Variants in SCAMP1 observed in about 807,000 individuals in gnomAD.
SCAMP1 encodes the protein secretory carrier-associated membrane protein 1.
A neutral mutation model predicts 41.8 loss-of-function variants in SCAMP1; 15 were observed. The observed-to-expected ratio is 0.36, with a 90% confidence interval of 0.24 to 0.55. The LOEUF (loss-of-function observed/expected upper bound fraction) is 0.55, where lower values mean the gene tolerates loss of function less well. Among genes scored for constraint, SCAMP1 ranks in the 20% least tolerant of loss-of-function variants. SCAMP1 has a pLI of 0.86. For synonymous variants in SCAMP1, 135 were observed against 136.8 expected, an observed-to-expected ratio of 0.99 and a Z score of 0.09; for missense variants, 341 against 412.6, an observed-to-expected ratio of 0.83 and a Z score of 1.50.
Position 78,480,393 on chromosome 5 carries a change from T to C in SCAMP1, c.*4725T>C, listed in dbSNP as rs923061203. 1.4e-4 allele frequency among the ~76,000 whole-genome samples: 22 copies of C among 152,254 alleles called. No individual in the cohort carries two copies. Among genetic ancestry groups the C allele is most frequent in the African/African-American group, 4.8e-5 (2 of 41,464 alleles). On this transcript the variant is annotated 3_prime_UTR_variant, in exon 9 of 9. Coordinates refer to ENST00000621999, the MANE Select transcript of SCAMP1 (RefSeq NM_004866.6). ...ATTTTTAAATTCTAGTTATTTTCAG[T>C]GCTTACTTAAATGTAATTCTAGAAT...
chr5:78,464,630 T>C (rs1322522788), intron 8 of SCAMP1, among the ~76,000 whole-genome samples: 1 of 151,592 alleles, frequency 6.6e-6, no homozygotes, highest in Non-Finnish European at 1.5e-5. Context: ...GATCTGGGAT[T>C]GGGAACGGCA....
chr5:78,434,339 G>A (rs1752691900), intron 6 of SCAMP1, among the ~76,000 whole-genome samples: 1 of 152,164 alleles, frequency 6.6e-6, no homozygotes, highest in Non-Finnish European at 1.5e-5. Flanking sequence ...GGGGTTGTTT[G>A]CCCTTTGATG....
chr5:78,441,381 T>C (rs1055063942), intron 6 of SCAMP1, among the ~76,000 whole-genome samples: 8 of 152,250 alleles, frequency 5.3e-5, no homozygotes, highest in Admixed American at 1.3e-4. Context: ...TTTGAAGTTA[T>C]GTTAACACTT....
rs1754079732 is a variant in SCAMP1, at chr5:78,479,379, T to C, written c.*3711T>C. On this transcript the variant is annotated 3_prime_UTR_variant, in exon 9 of 9. Coordinates refer to ENST00000621999, the MANE Select transcript of SCAMP1 (RefSeq NM_004866.6). ...TATACATTTATTTAGAGTAGACTAATGTGTTTAAAACATGAGTTGTTTTAA... is the reference window on the plus strand; with the variant it reads ...TATACATTTATTTAGAGTAGACTAACGTGTTTAAAACATGAGTTGTTTTAA... Among the ~76,000 whole-genome samples, 1 of 152,254 alleles carries C rather than the reference T, an allele frequency of 6.6e-6. No homozygotes were observed. The highest frequency in any genetic ancestry group is 6.5e-5 in the Admixed American group (1 of 15,286).
chr5:78,396,246 G>A (rs1433791548), intron 2 of SCAMP1, among the ~76,000 whole-genome samples: 1 of 152,124 alleles, frequency 6.6e-6, no homozygotes, highest in African/African-American at 2.4e-5. Context: ...TGTAAACTGT[G>A]GATTTGGGTG....
intron 6 of SCAMP1, among the ~76,000 whole-genome samples, chr5:78,428,062 A>AT (rs977032795): frequency 1.3e-5 from 2 of 152,018 alleles, no homozygotes; most frequent in East Asian, 3.9e-4. Flanking sequence ...TAATTTAACT[A>AT]TTTTTTTGGT....
intron 8 of SCAMP1, among the ~76,000 whole-genome samples, chr5:78,474,318 T>C (rs929604957): frequency 6.6e-6 from 1 of 152,142 alleles, no homozygotes; most frequent in Non-Finnish European, 1.5e-5. Flanking sequence ...ACATATGCCG[T>C]TGGTTTCCAA....
At chr5:78,439,168 A>T (rs111930825) in intron 6 of SCAMP1, among the ~76,000 whole-genome samples, 4,969 of 152,244 alleles carry the variant, frequency 0.033, 255 homozygotes, top group African/African-American at 0.11. Context: ...ATCTTTATCC[A>T]ATTTGCCAGT....
intron 1 of SCAMP1, among the ~76,000 whole-genome samples, chr5:78,376,067 C>T (rs1751056919): frequency 6.6e-6 from 1 of 152,046 alleles, no homozygotes; most frequent in African/African-American, 2.4e-5. Context: ...TTTTGAAATC[C>T]TTAATAAAAA....
At chr5:78,470,126 T>C (rs1753851407) in intron 8 of SCAMP1, among the ~76,000 whole-genome samples, 2 of 151,974 alleles carry the variant, frequency 1.3e-5, no homozygotes, top group African/African-American at 4.8e-5. Flanking sequence ...AAACCTAAAG[T>C]ATACAATTTA....
Position 78,432,536 on chromosome 5 carries a change from G to T in SCAMP1, c.632+10576G>T, listed in dbSNP as rs1417830158. Among the ~76,000 whole-genome samples, 3 of 152,064 alleles carry T rather than the reference G, an allele frequency of 2.0e-5. No individual in the cohort carries two copies. In the East Asian group the frequency reaches 5.8e-4, roughly 29 times the overall value. On this transcript the variant is annotated intron_variant, in intron 6 of 8. Transcript: ENST00000621999. ...TACTTTAAACACATCATTTTCATCCGTTCTGGCTTGCAAAGATTCTGGCTA... is the reference window on the plus strand; with the variant it reads ...TACTTTAAACACATCATTTTCATCCTTTCTGGCTTGCAAAGATTCTGGCTA...
intron 2 of SCAMP1, among the ~76,000 whole-genome samples, chr5:78,395,657 G>A (rs1488469649): frequency 2.0e-5 from 3 of 152,162 alleles, no homozygotes; most frequent in Non-Finnish European, 2.9e-5. Flanking sequence ...CCTGGTGGTC[G>A]TATGACTGAG....
At chr5:78,462,864 T>C (rs1753650867) in intron 8 of SCAMP1, among the ~76,000 whole-genome samples, 1 of 152,254 alleles carries the variant, frequency 6.6e-6, no homozygotes, top group African/African-American at 2.4e-5. Flanking sequence ...AAACATGATA[T>C]TGAGACCTTG....
chr5:78,395,489 G>A (rs936232173), intron 2 of SCAMP1, among the ~76,000 whole-genome samples: 1 of 152,204 alleles, frequency 6.6e-6, no homozygotes, highest in African/African-American at 2.4e-5. Context: ...ACTTAGCTGT[G>A]GCTCAGGAGT....
intron 2 of SCAMP1, among the ~76,000 whole-genome samples, chr5:78,389,557 T>A (rs1285301007): frequency 6.6e-6 from 1 of 152,110 alleles, no homozygotes; most frequent in Non-Finnish European, 1.5e-5. Flanking sequence ...ATGTGAGCCG[T>A]GGCGCCTGGC....
rs1246826491 is a variant in SCAMP1 at position 78,479,876 on chromosome 5, A to G, written c.*4208A>G. On this transcript the variant is annotated 3_prime_UTR_variant, in exon 9 of 9. Coordinates refer to ENST00000621999, the MANE Select transcript of SCAMP1 (RefSeq NM_004866.6). ...GCTAACATGGTGAAACCCCATCTCT[A>G]CTAAAAATACAAAAAAAAAATTAGC... Among the ~76,000 whole-genome samples the G allele has an allele frequency of 6.7e-6, 1 of 149,720 alleles. No homozygotes were observed. The highest frequency in any genetic ancestry group is 2.5e-5 in the African/African-American group (1 of 39,396).
intron 2 of SCAMP1, among the ~76,000 whole-genome samples, chr5:78,406,089 A>G (rs1560195): frequency 0.18 from 28,095 of 152,190 alleles, 3,216 homozygotes; most frequent in Admixed American, 0.34. Context: ...GTTTAAGTGA[A>G]AGAAATAAAA....
chr5:78,402,752 A>G (rs1469894424), intron 2 of SCAMP1, among the ~76,000 whole-genome samples: 3 of 151,908 alleles, frequency 2.0e-5, no homozygotes, highest in Non-Finnish European at 4.4e-5. Flanking sequence ...TAATCTTTTA[A>G]TTAGTGCCTT....
chr5:78,459,826 C>A (rs569124354), intron 8 of SCAMP1, among the ~76,000 whole-genome samples: 1 of 151,924 alleles, frequency 6.6e-6, no homozygotes, highest in Non-Finnish European at 1.5e-5. Flanking sequence ...GGTTATGTTG[C>A]ATAATGCTGG....
Sources: gnomAD v4.1 joint callset for allele counts (sites outside exome capture counted in the v4.1 genomes callset) on GRCh38, gnomAD v4.1.1 for gene constraint, MANE v1.5 for transcripts, NCBI Gene and HGNC (gene_info 2026-07-23, HGNC 2026-07-21) for gene names.